Variants in ADARB2 observed in about 807,000 individuals in gnomAD.
ADARB2 encodes inactive double-stranded RNA-specific editase B2.
Under a neutral mutation model 62.2 loss-of-function variants are expected in ADARB2, and 25 were observed. That is an observed-to-expected ratio of 0.40 (90% CI 0.29 to 0.56). ADARB2 has a LOEUF of 0.56. Ranked by LOEUF, ADARB2 falls within the 20% of genes least tolerant of loss-of-function variation. The pLI, the probability that ADARB2 is intolerant of heterozygous loss-of-function variation, is 0.43. For missense variants in ADARB2, 1,071 were observed against 1,077.4 expected (o/e 0.99, Z 0.08); for synonymous variants, 572 against 500.8 (o/e 1.14, Z -1.90).
chr10:1,521,562 AGACCTTAAGTCTG>A (rs1832074476), intron 1 of ADARB2, among the ~76,000 whole-genome samples: 1 of 152,216 alleles, frequency 6.6e-6, no homozygotes, highest in Non-Finnish European at 1.5e-5. Flanking sequence ...ACAGCAACAC[AGACCTTAAGTCTG>A]ATAAGAAACA....
intron 1 of ADARB2, among the ~76,000 whole-genome samples, chr10:1,678,822 C>T (rs1834500905): frequency 2.0e-5 from 3 of 151,968 alleles, no homozygotes; most frequent in Admixed American, 1.3e-4. Context: ...CTCCACCAAG[C>T]CCCCTCTCCC....
chr10:1,289,107 C>G (rs1318861727), intron 3 of ADARB2, among the ~76,000 whole-genome samples: 1 of 152,172 alleles, frequency 6.6e-6, no homozygotes, highest in African/African-American at 2.4e-5. Context: ...GCCTGCTACC[C>G]AGAGATCTGC....
Position 1,181,098 on chromosome 10 carries a change from G to A in ADARB2, c.*2095C>T, listed in dbSNP as rs1443095050. The A allele has an allele frequency of 1.3e-5, 2 of 152,240 alleles. No individual in the cohort carries two copies. The highest frequency in any genetic ancestry group is 4.8e-5 in the African/African-American group (2 of 41,452). The allele number at this position is 152,240 out of a possible 1,614,324, so 9.4% of individuals were successfully genotyped here. The stretch of plus-strand genomic sequence containing the variant: ...CTCGCTGCAGAAACAGCGTGATTTG[G>A]AGCCCACTGGGACAAAGCATTATAT... On this transcript the variant is annotated 3_prime_UTR_variant, in exon 10 of 10. Transcript: ENST00000381312.
intron 6 of ADARB2, among the ~76,000 whole-genome samples, chr10:1,221,463 A>T (rs577363336): frequency 8.6e-4 from 130 of 151,990 alleles, no homozygotes; most frequent in Non-Finnish European, 1.4e-3. Context: ...CATGTGCACA[A>T]CGTGCAGGTT....
At chr10:1,337,257 T>TA (rs1256362212) in intron 3 of ADARB2, among the ~76,000 whole-genome samples, 3 of 152,136 alleles carry the variant, frequency 2.0e-5, no homozygotes, top group Non-Finnish European at 4.4e-5. Context: ...AAACACAAAA[T>TA]ACCCAGAGTG....
At chr10:1,205,761 C>T (rs1454771729) in intron 7 of ADARB2, among the ~76,000 whole-genome samples, 3 of 152,380 alleles carry the variant, frequency 2.0e-5, no homozygotes, top group South Asian at 2.1e-4. Context: ...GGATTCCTGT[C>T]GTGGGCCAGC....
At chr10:1,221,060 C>T (rs1157725856) in intron 6 of ADARB2, among the ~76,000 whole-genome samples, 1 of 152,196 alleles carries the variant, frequency 6.6e-6, no homozygotes. Context: ...TTTCCTCTGG[C>T]TCTTTCCTGG....
At chr10:1,253,181 TGCC>T (rs1465790225) in intron 4 of ADARB2, among the ~76,000 whole-genome samples, 1 of 152,220 alleles carries the variant, frequency 6.6e-6, no homozygotes, top group African/African-American at 2.4e-5. Flanking sequence ...ACAGCAAAAA[TGCC>T]GCCATCTTTA....
intron 3 of ADARB2, among the ~76,000 whole-genome samples, chr10:1,339,165 G>A (rs1053960039): frequency 1.3e-5 from 2 of 152,160 alleles, no homozygotes; most frequent in African/African-American, 4.8e-5. Flanking sequence ...TTCCTGCCAC[G>A]CCTGTAGCTG....
chr10:1,363,127 C>T lies in ADARB2; in HGVS notation c.978G>A (p.Leu326=). ...TFEGSGRSKK[L]ARGQAAQAAL... ...CGGCCTGCGCGGCCTGACCCCGGGC[C>T]AGCTTCTTGCTGCGCCCCGAGCCCT... The change falls in exon 3 of 10, where the codon CTG becomes CTA. Residue 326 remains leucine, a synonymous_variant. Transcript: ENST00000381312. The T allele has an allele frequency of 6.5e-7, 1 of 1,546,604 alleles. No individual in the cohort carries two copies.
rs1057376114 is a variant in ADARB2, at chr10:1,182,967, T to C, written c.*226A>G. On this transcript the variant is annotated 3_prime_UTR_variant, in exon 10 of 10. Coordinates refer to ENST00000381312, the MANE Select transcript of ADARB2 (RefSeq NM_018702.4). ...GGAAGAGTCGGCGCTAACTCAACAG[T>C]GCATGTGCCCCTGGGTGTGGGGGAC... 3.4e-5 allele frequency: 19 copies of C among 555,816 alleles called. No individual in the cohort carries two copies. The highest frequency in any genetic ancestry group is 5.1e-5 in the Non-Finnish European group (16 of 312,972). The allele number at this position is 555,816 out of a possible 1,614,324, so 34.4% of individuals were successfully genotyped here. A position where few individuals can be genotyped will look rare whatever the true frequency, so the allele number is the denominator to read the frequency against.
chr10:1,714,205 A>C (rs1381239518), intron 1 of ADARB2, among the ~76,000 whole-genome samples: 1 of 152,206 alleles, frequency 6.6e-6, no homozygotes, highest in Non-Finnish European at 1.5e-5. Context: ...TGAATTTTGC[A>C]CTGGGTGGAG....
intron 1 of ADARB2, among the ~76,000 whole-genome samples, chr10:1,404,693 C>T (rs192012754): frequency 1.6e-4 from 25 of 152,296 alleles, no homozygotes; most frequent in African/African-American, 5.8e-4. Context: ...CCTGTAAGCT[C>T]GCCGGCTTCG....
At chr10:1,261,439 A>G (rs1158806884) in intron 4 of ADARB2, among the ~76,000 whole-genome samples, 1 of 149,590 alleles carries the variant, frequency 6.7e-6, no homozygotes, top group Admixed American at 6.6e-5. Flanking sequence ...TCTACAATGA[A>G]CTCAAACAAA....
At chr10:1,549,670 C>G (rs140628372) in intron 1 of ADARB2, among the ~76,000 whole-genome samples, 26 of 152,148 alleles carry the variant, frequency 1.7e-4, no homozygotes, top group Admixed American at 1.4e-3. Flanking sequence ...ACTCTTCCTC[C>G]TCATTGTCAC....
Position 1,179,551 on chromosome 10 carries a change from G to T in ADARB2, c.*3642C>A, listed in dbSNP as rs935917321. ...GCCTGGCCGCGCAGCCGTTCCCTGC[G>T]CCCCGTCCTGCAAAAAGGCCAGAAA... On this transcript the variant is annotated 3_prime_UTR_variant, in exon 10 of 10. Coordinates refer to ENST00000381312, the MANE Select transcript of ADARB2 (RefSeq NM_018702.4). 1 of 152,190 alleles carries T rather than the reference G, an allele frequency of 6.6e-6. No individual in the cohort carries two copies. Among genetic ancestry groups the T allele is most frequent in the Admixed American group, 6.5e-5 (1 of 15,280 alleles). 9.4% of individuals were successfully genotyped at this position (152,190 alleles called of 1,614,324 possible). A position where few individuals can be genotyped will look rare whatever the true frequency, so the allele number is the denominator to read the frequency against.
chr10:1,357,739 AATT>A (rs1469325630), intron 3 of ADARB2, among the ~76,000 whole-genome samples: 12 of 152,158 alleles, frequency 7.9e-5, no homozygotes, highest in African/African-American at 2.9e-4. Context: ...TTGAACCTGT[AATT>A]GCACCATAAA....
chr10:1,220,039 GT>G (rs1830672304), intron 6 of ADARB2, among the ~76,000 whole-genome samples: 1 of 126,504 alleles, frequency 7.9e-6, no homozygotes, highest in African/African-American at 3.0e-5. Flanking sequence ...GGTGATGATG[GT>G]AATGGTGATG....
At chr10:1,371,984 T>C (rs571881202) in intron 2 of ADARB2, among the ~76,000 whole-genome samples, 1 of 151,986 alleles carries the variant, frequency 6.6e-6, no homozygotes, top group African/African-American at 2.4e-5. Context: ...GAAAAGAAAA[T>C]CATTACATAA....
Sources: gnomAD v4.1 joint callset for allele counts (sites outside exome capture counted in the v4.1 genomes callset) on GRCh38, gnomAD v4.1.1 for gene constraint, MANE v1.5 for transcripts, NCBI Gene and HGNC (gene_info 2026-07-23, HGNC 2026-07-21) for gene names.